The following TMEM18 variants were observed in gnomAD, a reference collection of about 807,000 sequenced individuals.
TMEM18 encodes transmembrane protein 18.
TMEM18 carries 14 observed loss-of-function variants against 17.4 expected under a neutral mutation model. That is an observed-to-expected ratio of 0.80 (90% confidence interval 0.53 to 1.25). The LOEUF is 1.25. Ranked by LOEUF, TMEM18 falls within the 50% of genes most tolerant of loss-of-function variation. The probability of loss-of-function intolerance (pLI) is 0.00; values close to 1 mark genes in which losing one functional copy is unlikely to be tolerated. For missense variants in TMEM18, 187 were observed against 172.1 expected (o/e 1.09, Z -0.48); for synonymous variants, 86 against 66.1 (o/e 1.30, Z -1.46).
In TMEM18 at chr2:672,824, C is replaced by A; in HGVS notation, c.217G>T (p.Ala73Ser). 1 of 1,479,208 alleles carries A rather than the reference C, an allele frequency of 6.8e-7. No individual in the cohort carries two copies. The highest frequency in any genetic ancestry group is 8.9e-7 in the Non-Finnish European group (1 of 1,119,702). The allele number at this position is 1,479,208 out of a possible 1,614,324, so 91.6% of individuals were successfully genotyped here. Residue 73 changes from alanine to serine, a missense_variant, in exon 3 of 5, where the codon GCT becomes TCT. Transcript: ENST00000281017. ...VYCAEYINEA[A>S]AMNWRLFSKY... ...TGGGCTCACCTCCAGTTCATCGCAG[C>A]CGCCTCATTGATGTATTCAGCACAG...
chr2:664,772 T>C lies in TMEM18; in HGVS notation c.*4808A>G, dbSNP rs916590137. Among the ~76,000 whole-genome samples the C allele has an allele frequency of 1.3e-5, 2 of 152,226 alleles. No individual in the cohort carries two copies. Among genetic ancestry groups the C allele is most frequent in the East Asian group, 1.9e-4 (1 of 5,204 alleles). ...CTTGTAAGAATTTATTCCAAGTCAATAGTGGAAATGTAGGCATGTGAGGTT... is the reference window on the plus strand; with the variant it reads ...CTTGTAAGAATTTATTCCAAGTCAACAGTGGAAATGTAGGCATGTGAGGTT... On this transcript the variant is annotated 3_prime_UTR_variant, in exon 5 of 5. Coordinates refer to ENST00000281017, the MANE Select transcript of TMEM18 (RefSeq NM_152834.4).
chr2:669,272 T>C lies in TMEM18; in HGVS notation c.*308A>G, dbSNP rs543841057. ...ATATTGTGTATTTTATATTTATAAT[T>C]AGTACTAGTTACACATATGACATGG... On this transcript the variant is annotated 3_prime_UTR_variant, in exon 5 of 5. Coordinates refer to ENST00000281017, the MANE Select transcript of TMEM18 (RefSeq NM_152834.4). 6.6e-5 allele frequency: 21 copies of C among 320,586 alleles called. No homozygotes were observed. The East Asian group carries it at 1.2e-3, about 19-fold the overall frequency. The allele number at this position is 320,586 out of a possible 1,614,324, so 19.9% of individuals were successfully genotyped here. A position where few individuals can be genotyped will look rare whatever the true frequency, so the allele number is the denominator to read the frequency against.
chr2:665,754 G>A lies in TMEM18; in HGVS notation c.*3826C>T, dbSNP rs1318541346. ...CAGATGCCCCACTCACTCAGATGGA[G>A]CATCAACCCCACACACAACAGGACC... is the stretch of plus-strand genomic sequence containing the variant. On this transcript the variant is annotated 3_prime_UTR_variant, in exon 5 of 5. Transcript: ENST00000281017. 6.6e-6 allele frequency among the ~76,000 whole-genome samples: 1 copy of A among 150,932 alleles called. No individual in the cohort carries two copies. Among genetic ancestry groups the A allele is most frequent in the African/African-American group, 2.4e-5 (1 of 40,916 alleles).
rs199991344 is a variant in TMEM18, at chr2:672,874, T to A, written c.179-12A>T. ...GTAGACTAAGATGACTGAAAAAAGG[T>A]ACAAGTCATATTAGAATTTAGATGG... On this transcript the variant is annotated splice_polypyrimidine_tract_variant and intron_variant, in intron 2 of 4. Transcript: ENST00000281017. 1.9e-5 allele frequency: 29 copies of A among 1,510,442 alleles called. No individual in the cohort carries two copies. The East Asian group carries it at 7.0e-4, about 36-fold the overall frequency. 93.6% of individuals were successfully genotyped at this position (1,510,442 alleles called of 1,614,324 possible). A position where few individuals can be genotyped will look rare whatever the true frequency, so the allele number is the denominator to read the frequency against.
intron 1 of TMEM18, chr2:676,466 C>G: frequency 7.5e-7 from 1 of 1,331,942 alleles, no homozygotes; most frequent in South Asian, 1.4e-5. Context: ...CGGCACAGCC[C>G]TCCAGAACTC....
In TMEM18 at chr2:672,834, G is replaced by T; in HGVS notation, c.207C>A (p.Ile69=). Residue 69 remains isoleucine (I), a synonymous_variant, in exon 3 of 5, where the codon ATC becomes ATA. Transcript: ENST00000281017. ...TCCAGTTCATCGCAGCCGCCTCATT[G>T]ATGTATTCAGCACAGTAGACTAAGA... The part of the protein sequence containing the change: ...LVILVYCAEY[I]NEAAAMNWRL... The T allele has an allele frequency of 6.7e-7, 1 of 1,488,644 alleles. No individual in the cohort carries two copies. The highest frequency in any genetic ancestry group is 8.9e-7 in the Non-Finnish European group (1 of 1,126,736). The allele number at this position is 1,488,644 out of a possible 1,614,324, so 92.2% of individuals were successfully genotyped here. A position where few individuals can be genotyped will look rare whatever the true frequency, so the allele number is the denominator to read the frequency against.
intron 1 of TMEM18, chr2:677,058 G>A (rs1046828154): frequency 3.3e-6 from 1 of 305,024 alleles, no homozygotes; most frequent in Non-Finnish European, 5.8e-6. Context: ...CCGACGCCCG[G>A]CCCCGGCCCC....
chr2:671,859 C>A (rs1055480186), intron 3 of TMEM18, among the ~76,000 whole-genome samples: 1 of 151,646 alleles, frequency 6.6e-6, no homozygotes, highest in East Asian at 1.9e-4. Context: ...TGTGAAGGCC[C>A]TGCATCCGGG....
chr2:676,055 C>A, intron 1 of TMEM18: 1 of 1,320,168 alleles, frequency 7.6e-7, no homozygotes. Flanking sequence ...GCACTTGGCT[C>A]AGCCCCAAAG....
rs1262778310 is a variant in TMEM18 at position 675,961 on chromosome 2, T to G, written c.58-331A>C. ...ATCATGTTTTTAAGGTGGGTATAAT[T>G]AAAGGAATTACCATCCTTTACGATG... is the stretch of plus-strand genomic sequence containing the variant. On this transcript the variant is annotated intron_variant, in intron 1 of 4. Transcript: ENST00000281017. 27 of 1,340,590 alleles carry G rather than the reference T, an allele frequency of 2.0e-5. No homozygotes were observed. The Admixed American group carries it at 6.1e-4, about 30-fold the overall frequency. The allele number at this position is 1,340,590 out of a possible 1,614,324, so 83.0% of individuals were successfully genotyped here.
At position 668,171 on chromosome 2, in the gene TMEM18, T is replaced by C. The variant is rs899582262; in HGVS notation, c.*1409A>G. ...CTCCCTCTCTATTATGATAACAACATAGGGGAAACCACCCCCATGATCCCA... is the reference window on the plus strand; with the variant it reads ...CTCCCTCTCTATTATGATAACAACACAGGGGAAACCACCCCCATGATCCCA... On this transcript the variant is annotated 3_prime_UTR_variant, in exon 5 of 5. Coordinates refer to ENST00000281017, the MANE Select transcript of TMEM18 (RefSeq NM_152834.4). The C allele has an allele frequency of 2.6e-5, 4 of 152,082 alleles. No homozygotes were observed. The highest frequency in any genetic ancestry group is 9.7e-5 in the African/African-American group (4 of 41,406). The allele number at this position is 152,082 out of a possible 1,614,324, so 9.4% of individuals were successfully genotyped here.
Position 677,320 on chromosome 2 carries a change from G to C in TMEM18, c.26C>G (p.Ser9Cys). The C allele has an allele frequency of 2.5e-6, 4 of 1,612,496 alleles. No homozygotes were observed. The highest frequency in any genetic ancestry group is 1.1e-5 in the South Asian group (1 of 90,788). Residue 9 changes from serine to cysteine, a missense_variant, in exon 1 of 5, where the codon TCT becomes TGT. Ser to Cys is a moderately radical substitution (Grantham distance 112). Coordinates refer to ENST00000281017, the MANE Select transcript of TMEM18 (RefSeq NM_152834.4). Reference sequence around the variant, plus strand: ...CACGGCTGGGATGCTGACGGGGAAAGAGCTGACAGAGAAGGCGGACGGCAT... The same window carrying C: ...CACGGCTGGGATGCTGACGGGGAAACAGCTGACAGAGAAGGCGGACGGCAT... MPSAFSVSSFPVSIPAVLT... is the reference protein window; with the variant it reads MPSAFSVSCFPVSIPAVLT...
chr2:675,330 A>C (rs953495189), intron 2 of TMEM18, among the ~76,000 whole-genome samples, 180 bp downstream of exon 2: 1 of 152,202 alleles, frequency 6.6e-6, no homozygotes, highest in Non-Finnish European at 1.5e-5. Flanking sequence ...TAACATCCAA[A>C]AAGTAGTTTT....
At position 666,494 on chromosome 2, in the gene TMEM18, C is replaced by T. The variant is rs1299969442; in HGVS notation, c.*3086G>A. Reference sequence around the variant, plus strand: ...GGAGGAAGAGGAGCTAGAAAGCTTACCAGGCCGATGAGGATGCTTGCTGTC... The same window carrying T: ...GGAGGAAGAGGAGCTAGAAAGCTTATCAGGCCGATGAGGATGCTTGCTGTC... On this transcript the variant is annotated 3_prime_UTR_variant, in exon 5 of 5. Coordinates refer to ENST00000281017, the MANE Select transcript of TMEM18 (RefSeq NM_152834.4). Among the ~76,000 whole-genome samples, 4 of 152,196 alleles carry T rather than the reference C, an allele frequency of 2.6e-5. No homozygotes were observed. Among genetic ancestry groups the T allele is most frequent in the East Asian group, 1.9e-4 (1 of 5,178 alleles).
chr2:664,106 A>G lies in TMEM18; in HGVS notation c.*5474T>C, dbSNP rs1217271592. On this transcript the variant is annotated 3_prime_UTR_variant, in exon 5 of 5. Transcript: ENST00000281017. ...TTCACAGGCATTTGTATAATAAATG[A>G]AATGAACTTGGAAAGCATTTAAACA... 6.6e-6 allele frequency among the ~76,000 whole-genome samples: 1 copy of G among 152,260 alleles called. No homozygotes were observed. Among genetic ancestry groups the G allele is most frequent in the Admixed American group, 6.5e-5 (1 of 15,288 alleles).
In TMEM18 at chr2:669,739, A is replaced by G. The variant is rs79223420; in HGVS notation, c.327+18T>C. ...ACATACACATGAAGAAAGACAACTG[A>G]AAGTGTCATCTACGTACCACAATGA... is the stretch of plus-strand genomic sequence containing the variant. On this transcript the variant is annotated intron_variant, in intron 4 of 4. Coordinates refer to ENST00000281017, the MANE Select transcript of TMEM18 (RefSeq NM_152834.4). 3.1e-6 allele frequency: 5 copies of G among 1,613,938 alleles called. No individual in the cohort carries two copies. The highest frequency in any genetic ancestry group is 4.2e-6 in the Non-Finnish European group (5 of 1,179,808).
chr2:675,577 G>C lies in TMEM18; in HGVS notation c.111C>G (p.Leu37=). 5.6e-6 allele frequency: 9 copies of C among 1,614,230 alleles called. No homozygotes were observed. The highest frequency in any genetic ancestry group is 5.9e-6 in the Non-Finnish European group (7 of 1,180,052). Residue 37 remains leucine, a synonymous_variant, in exon 2 of 5, where the codon CTC becomes CTG. Transcript: ENST00000281017. ...WLMGLATFHA[L]CVLLTCLSSR... ...AGGACAAGCAGGTGAGGAGCACGCAGAGCGCGTGGAAGGTGGCCAGCCCCA... is the reference window on the plus strand; with the variant it reads ...AGGACAAGCAGGTGAGGAGCACGCACAGCGCGTGGAAGGTGGCCAGCCCCA...
intron 1 of TMEM18, 78 bp downstream of exon 1, chr2:677,211 C>G: frequency 1.3e-6 from 2 of 1,529,958 alleles, no homozygotes; most frequent in Non-Finnish European, 1.8e-6. Flanking sequence ...TGGCCACAGG[C>G]CGGGTGCTCT....
At chr2:675,853 G>A in intron 1 of TMEM18, 1 of 1,511,768 alleles carries the variant, frequency 6.6e-7, no homozygotes, top group Middle Eastern at 1.7e-4. Context: ...TCCCCTCAGT[G>A]CAACTATAAT....
Sources: gnomAD v4.1 joint callset for allele counts (sites outside exome capture counted in the v4.1 genomes callset) on GRCh38, gnomAD v4.1.1 for gene constraint, MANE v1.5 for transcripts, NCBI Gene and HGNC (gene_info 2026-07-23, HGNC 2026-07-21) for gene names.